The following RETREG2 variants were observed in gnomAD, a reference collection of about 807,000 sequenced individuals.
RETREG2 encodes reticulophagy regulator 2.
RETREG2 carries 21 observed loss-of-function variants against 51.6 expected under a neutral mutation model. The observed-to-expected ratio is 0.41, with a 90% CI of 0.29 to 0.59. The LOEUF (loss-of-function observed/expected upper bound fraction) is 0.59. Ranked by LOEUF, RETREG2 falls within the 20% of genes least tolerant of loss-of-function variation. The pLI, the probability that RETREG2 is intolerant of heterozygous loss-of-function variation, is 0.34. For missense variants in RETREG2, 674 were observed against 646.0 expected, an observed-to-expected ratio of 1.04 and a Z score of -0.47; for synonymous variants, 339 against 288.6, an observed-to-expected ratio of 1.17 and a Z score of -1.77.
chr2:219,181,865 C>T (rs990450100), intron 8 of RETREG2, 90 bp downstream of exon 8: 61 of 1,562,294 alleles, frequency 3.9e-5, no homozygotes, highest in Admixed American at 9.3e-5. Flanking sequence ...CCCACTCACT[C>T]TCTAATTCTC....
Position 219,180,668 on chromosome 2 carries a change from A to G in RETREG2, c.556-2A>G. 6.2e-7 allele frequency: 1 copy of G among 1,614,112 alleles called. No individual in the cohort carries two copies. The highest frequency in any genetic ancestry group is 8.5e-7 in the Non-Finnish European group (1 of 1,179,958). ...TTCTTAGACTTTTGCTCTTCTCTGC[A>G]GTTCTGCGTTCGAGTCTGCTCTGGC... On this transcript the variant is annotated splice_acceptor_variant, in intron 4 of 8. Transcript: ENST00000430297. LOFTEE classifies it high-confidence loss of function.
intron 3 of RETREG2, 145 bp downstream of exon 3, chr2:219,179,908 T>G (rs1005381302): frequency 8.7e-7 from 1 of 1,146,510 alleles, no homozygotes; most frequent in African/African-American, 1.5e-5. Context: ...TAGGCTCCTG[T>G]GTAGGTGTTT....
At chr2:219,180,519 G>T in intron 4 of RETREG2, 151 bp from the exon 5 acceptor site, 1 of 1,326,628 alleles carries the variant, frequency 7.5e-7, no homozygotes, top group Non-Finnish European at 1.0e-6. Flanking sequence ...TTCCTGAATT[G>T]GTGGTCTTGA....
intron 1 of RETREG2, 82 bp from the exon 2 acceptor site, chr2:219,178,840 A>G (rs1246475781): frequency 3.7e-5 from 42 of 1,144,924 alleles, no homozygotes; most frequent in Middle Eastern, 2.0e-4. Context: ...TTACCCCATC[A>G]GTAGGCGCCT....
chr2:219,179,384 G>A (rs1950242683), intron 2 of RETREG2, among the ~76,000 whole-genome samples: 1 of 152,212 alleles, frequency 6.6e-6, no homozygotes, highest in African/African-American at 2.4e-5. Context: ...GAGGTGAGGA[G>A]AGGATTAATG....
In RETREG2 at chr2:219,178,903, G is replaced by T; in HGVS notation, c.282-19G>T. 1 of 1,566,580 alleles carries T rather than the reference G, an allele frequency of 6.4e-7. No homozygotes were observed. The highest frequency in any genetic ancestry group is 8.8e-7 in the Non-Finnish European group (1 of 1,139,550). On this transcript the variant is annotated intron_variant, in intron 1 of 8. Transcript: ENST00000430297. ...CCTGTCTCACCCACTCACTGCTGAG[G>T]TGCCTGTCTCTCCCTAAGGTTGCTG...
At position 219,184,299 on chromosome 2, in the gene RETREG2, G is replaced by A. The variant is rs1451477848; in HGVS notation, c.*1670G>A. On this transcript the variant is annotated 3_prime_UTR_variant, in exon 9 of 9. Coordinates refer to ENST00000430297, the MANE Select transcript of RETREG2 (RefSeq NM_024293.6). ...GGGAAGAAAAGCCCAGAACTGAGCA[G>A]ATGGCCTCCTTTATGAGTTCATGTC... 1 of 152,226 alleles carries A rather than the reference G, an allele frequency of 6.6e-6. No individual in the cohort carries two copies. Among genetic ancestry groups the A allele is most frequent in the African/African-American group, 2.4e-5 (1 of 41,458 alleles). The allele number at this position is 152,226 out of a possible 1,614,324, so 9.4% of individuals were successfully genotyped here.
chr2:219,182,432 C>A lies in RETREG2; in HGVS notation c.1435C>A (p.Pro479Thr). 6.2e-7 allele frequency: 1 copy of A among 1,614,102 alleles called. No individual in the cohort carries two copies. The highest frequency in any genetic ancestry group is 1.7e-5 in the Admixed American group (1 of 60,008). The change falls in exon 9 of 9, where the codon CCT becomes ACT. Residue 479 changes from proline to threonine, a missense_variant. Coordinates refer to ENST00000430297, the MANE Select transcript of RETREG2 (RefSeq NM_024293.6). Reference sequence around the variant, plus strand: ...TCCCCAGGACTCACCCCAGCCCCTGCCTGCCCCTGAGGAAGAAGAGGCACT... The same window carrying A: ...TCCCCAGGACTCACCCCAGCCCCTGACTGCCCCTGAGGAAGAAGAGGCACT... ...PVPQDSPQPL[P>T]APEEEEALTT...
chr2:219,178,431 G>A lies in RETREG2; in HGVS notation c.79G>A (p.Gly27Ser), dbSNP rs1328346623. The change falls in exon 1 of 9, where the codon GGT becomes AGT. Residue 27 changes from glycine to serine, a missense_variant. By Grantham distance (56) the Gly-to-Ser change is moderately conservative. Transcript: ENST00000430297. ...GMGLSLGLGL[G>S]LSLGMSEATS... ...GGGCCTGAGCCTGGGCCTGGGTCTG[G>A]GTCTGAGCCTAGGCATGAGTGAGGC... The A allele has an allele frequency of 6.0e-6, 4 of 669,740 alleles. No homozygotes were observed. The highest frequency in any genetic ancestry group is 7.3e-5 in the Admixed American group (2 of 27,338). The allele number at this position is 669,740 out of a possible 1,614,324, so 41.5% of individuals were successfully genotyped here.
At position 219,180,358 on chromosome 2, in the gene RETREG2, C is replaced by G. The variant is rs958289390; in HGVS notation, c.555+113C>G. 1.5e-5 allele frequency: 21 copies of G among 1,401,082 alleles called. 1 individual carries two copies. In the East Asian group the frequency reaches 4.0e-4, roughly 27 times the overall value. 86.8% of individuals were successfully genotyped at this position (1,401,082 alleles called of 1,614,324 possible). ...CGCTTGGAGACCCTGAAAGAAGAGG[C>G]CTGGGCGCCTTCTTGAGGCAACATT... On this transcript the variant is annotated intron_variant, in intron 4 of 8. Coordinates refer to ENST00000430297, the MANE Select transcript of RETREG2 (RefSeq NM_024293.6).
At position 219,183,934 on chromosome 2, in the gene RETREG2, C is replaced by T. The variant is rs1381478592; in HGVS notation, c.*1305C>T. The T allele has an allele frequency of 6.6e-6, 1 of 152,188 alleles. No individual in the cohort carries two copies. The highest frequency in any genetic ancestry group is 1.9e-4 in the East Asian group (1 of 5,208). The allele number at this position is 152,188 out of a possible 1,614,324, so 9.4% of individuals were successfully genotyped here. ...TTAGAAATGAGTTGGAGCCAAGGAA[C>T]ACTGAAGAAATAGTATCTTAACAGT... On this transcript the variant is annotated 3_prime_UTR_variant, in exon 9 of 9. Transcript: ENST00000430297.
intron 5 of RETREG2, 68 bp from the exon 6 acceptor site, chr2:219,180,994 G>T: frequency 1.3e-6 from 2 of 1,595,870 alleles, no homozygotes; most frequent in South Asian, 2.2e-5. Flanking sequence ...TCAGTTTAGG[G>T]ACCAGTTGAA....
Position 219,178,993 on chromosome 2 carries a change from A to C in RETREG2, c.353A>C (p.Asp118Ala). 6.2e-7 allele frequency: 1 copy of C among 1,613,496 alleles called. No individual in the cohort carries two copies. The highest frequency in any genetic ancestry group is 8.5e-7 in the Non-Finnish European group (1 of 1,179,796). The change falls in exon 2 of 9, where the codon GAT becomes GCT. Residue 118 changes from aspartate to alanine, a missense_variant. Coordinates refer to ENST00000430297, the MANE Select transcript of RETREG2 (RefSeq NM_024293.6). ...TCACTTTTGGCCTATTTTCTGCTGGATCTCTGGCAGCCTCGCTTTCTCCCT... is the reference window on the plus strand; with the variant it reads ...TCACTTTTGGCCTATTTTCTGCTGGCTCTCTGGCAGCCTCGCTTTCTCCCT... ...SVSLLAYFLLDLWQPRFLPDV... is the reference protein window; with the variant it reads ...SVSLLAYFLLALWQPRFLPDV...
rs1328264884 is a variant in RETREG2, at chr2:219,182,214, A to G, written c.1217A>G (p.His406Arg). ...TTGTTGCGGCTCTCATCCCCCCTCC[A>G]CTTTGTGAACACGCACTTCAATGGG... is the stretch of plus-strand genomic sequence containing the variant. ...ETLLRLSSPL[H>R]FVNTHFNGAG... The change falls in exon 9 of 9, where the codon CAC (histidine) becomes CGC (arginine). Residue 406 changes from histidine to arginine, a missense_variant. Transcript: ENST00000430297. 4.3e-6 allele frequency: 7 copies of G among 1,613,822 alleles called. No homozygotes were observed. The highest frequency in any genetic ancestry group is 5.9e-6 in the Non-Finnish European group (7 of 1,179,972).
Position 219,180,134 on chromosome 2 carries a change from G to A in RETREG2, c.444G>A (p.Arg148=). The A allele has an allele frequency of 6.2e-7, 1 of 1,614,106 alleles. No individual in the cohort carries two copies. The highest frequency in any genetic ancestry group is 8.5e-7 in the Non-Finnish European group (1 of 1,180,010). ...GTGAGGGTGCGGGGTCAGGCGCCCG[G>A]CCGCACCTGCTGAGTGTGCCCGAGT... ...SDSEGAGSGA[R]PHLLSVPELC... is the part of the protein sequence containing the mutation. The change falls in exon 4 of 9, where the codon CGG becomes CGA. Residue 148 remains arginine (R), a synonymous_variant. Transcript: ENST00000430297.
At position 219,182,564 on chromosome 2, in the gene RETREG2, C is replaced by G; in HGVS notation, c.1567C>G (p.Leu523Val). Residue 523 changes from leucine to valine, a missense_variant, in exon 9 of 9, where the codon CTG becomes GTG. Physicochemically the swap from Leu to Val is conservative, Grantham distance 32 (BLOSUM62 1). Coordinates refer to ENST00000430297, the MANE Select transcript of RETREG2 (RefSeq NM_024293.6). ...GCCAAAACCCCCTGATGCTCCACCC[C>G]TGGGGCCCGACATCCATTCTCTGGT... ...TPPKPPDAPP[L>V]GPDIHSLVQS... is the part of the protein sequence containing the mutation. 2 of 1,614,206 alleles carry G rather than the reference C, an allele frequency of 1.2e-6. No individual in the cohort carries two copies. Among genetic ancestry groups the G allele is most frequent in the Non-Finnish European group, 1.7e-6 (2 of 1,180,034 alleles).
chr2:219,179,623 T>A (rs1230854271), intron 2 of RETREG2, 110 bp from the exon 3 acceptor site: 2 of 994,440 alleles, frequency 2.0e-6, no homozygotes, highest in East Asian at 4.8e-5. Context: ...CCCATTGGCA[T>A]CTGAAGAAGG....
chr2:219,182,050 G>C lies in RETREG2; in HGVS notation c.1053G>C (p.Glu351Asp), dbSNP rs1950286754. ...DQQSLPSEPE[E>D]TLSRDLGEGE... is the part of the protein sequence containing the mutation. ...AGAGCCTGCCAAGTGAACCAGAGGAGACCCTAAGCCGGGACCTAGGGGAGG... is the reference window on the plus strand; with the variant it reads ...AGAGCCTGCCAAGTGAACCAGAGGACACCCTAAGCCGGGACCTAGGGGAGG... Residue 351 changes from glutamate to aspartate, a missense_variant, in exon 9 of 9, where the codon GAG becomes GAC. By Grantham distance (45) the Glu-to-Asp change is conservative. Transcript: ENST00000430297. 6.2e-7 allele frequency: 1 copy of C among 1,614,018 alleles called. No individual in the cohort carries two copies. Among genetic ancestry groups the C allele is most frequent in the Non-Finnish European group, 8.5e-7 (1 of 1,180,016 alleles).
intron 4 of RETREG2, 130 bp from the exon 5 acceptor site, chr2:219,180,540 A>G: frequency 2.0e-6 from 3 of 1,511,964 alleles, no homozygotes; most frequent in Non-Finnish European, 2.7e-6. Flanking sequence ...GCATCCTCTT[A>G]ACCAAACTGG....
Sources: gnomAD v4.1 joint callset for allele counts (sites outside exome capture counted in the v4.1 genomes callset) on GRCh38, gnomAD v4.1.1 for gene constraint, MANE v1.5 for transcripts, NCBI Gene and HGNC (gene_info 2026-07-23, HGNC 2026-07-21) for gene names.